Variants in EXPH5 observed in about 807,000 individuals in gnomAD.
EXPH5 encodes the protein exophilin 5, also known as exophilin-5.
Under a neutral mutation model 41.1 loss-of-function variants are expected in EXPH5, and 42 were observed. The observed-to-expected ratio is 1.02, with a 90% CI of 0.80 to 1.32. EXPH5 has a LOEUF of 1.32. Ranked by LOEUF, EXPH5 falls within the 40% of genes most tolerant of loss-of-function variation. EXPH5 has a pLI of 0.00. For synonymous variants in EXPH5, 798 were observed against 833.5 expected (o/e 0.96, Z 0.73); for missense variants, 2,298 against 2,314.5 (o/e 0.99, Z 0.15).
chr11:108,518,248 A>T lies in EXPH5; in HGVS notation c.618T>A (p.Asn206Lys). ...GCATGAACTTACCTTGGAAAAACTC[A>T]TTCTCCAGCAGTGAAGCATCCCACG... Reference protein sequence around the residue: ...PPPWDASLLENEFFQVLDDLD... With the variant: ...PPPWDASLLEKEFFQVLDDLD... The change falls in exon 5 of 6, where the codon AAT becomes AAA. Residue 206 changes from asparagine (N) to lysine (K), a missense_variant. Transcript: ENST00000265843. The T allele has an allele frequency of 6.2e-7, 1 of 1,612,012 alleles. No homozygotes were observed. The highest frequency in any genetic ancestry group is 1.1e-5 in the South Asian group (1 of 90,382).
intron 3 of EXPH5, among the ~76,000 whole-genome samples, chr11:108,535,902 T>C (rs1354651883): frequency 1.3e-5 from 2 of 152,208 alleles, no homozygotes; most frequent in Non-Finnish European, 2.9e-5. Flanking sequence ...GAAGACTGCA[T>C]GTATAAGCTG....
Position 108,510,665 on chromosome 11 carries a change from T to C in EXPH5, c.4842A>G (p.Arg1614=). 6.2e-7 allele frequency: 1 copy of C among 1,614,188 alleles called. No homozygotes were observed. The highest frequency in any genetic ancestry group is 8.5e-7 in the Non-Finnish European group (1 of 1,180,020). ...KFPAKDVSPR[R]HVATIFPQSG... is the part of the protein sequence containing the mutation. ...TTTGGGGGAAGATAGTAGCTACATG[T>C]CTTCTGGGGCTTACATCTTTAGCTG... Residue 1614 remains arginine, a synonymous_variant, in exon 6 of 6, where the codon AGA becomes AGG. Coordinates refer to ENST00000265843, the MANE Select transcript of EXPH5 (RefSeq NM_015065.3).
chr11:108,509,497 G>C lies in EXPH5; in HGVS notation c.*40C>G. 1 of 1,516,072 alleles carries C rather than the reference G, an allele frequency of 6.6e-7. No individual in the cohort carries two copies. The highest frequency in any genetic ancestry group is 8.8e-7 in the Non-Finnish European group (1 of 1,133,600). The allele number at this position is 1,516,072 out of a possible 1,614,324, so 93.9% of individuals were successfully genotyped here. ...CATGTACACCTTAGTTCCATTATAA[G>C]CTTTTGGTGAAAAAAGTAAAGCATT... is the stretch of plus-strand genomic sequence containing the variant. On this transcript the variant is annotated 3_prime_UTR_variant, in exon 6 of 6. Transcript: ENST00000265843.
intron 1 of EXPH5, among the ~76,000 whole-genome samples, chr11:108,568,967 C>T (rs531382886): frequency 6.6e-6 from 1 of 152,264 alleles, no homozygotes; most frequent in Non-Finnish European, 1.5e-5. Flanking sequence ...GGCTCCTCCT[C>T]CCCTCCAGTT....
In EXPH5 at chr11:108,511,492, G is replaced by C; in HGVS notation, c.4015C>G (p.Pro1339Ala). Reference sequence around the variant, plus strand: ...ATTTCCTGTAATGTAGGAGCTAGGGGCCCCCTATTTGATAATCGGAAGGCA... The same window carrying C: ...ATTTCCTGTAATGTAGGAGCTAGGGCCCCCCTATTTGATAATCGGAAGGCA... ...MTAFRLSNRG[P>A]LAPTLQEMAS... The change falls in exon 6 of 6, where the codon CCC (proline) becomes GCC (alanine). Residue 1339 changes from proline to alanine, a missense_variant. Physicochemically the swap from Pro to Ala is conservative, Grantham distance 27. Coordinates refer to ENST00000265843, the MANE Select transcript of EXPH5 (RefSeq NM_015065.3). 6.3e-7 allele frequency: 1 copy of C among 1,589,166 alleles called. No individual in the cohort carries two copies. Among genetic ancestry groups the C allele is most frequent in the Non-Finnish European group, 8.5e-7 (1 of 1,171,000 alleles).
rs1436582971 is a variant in EXPH5, at chr11:108,593,652, C to A, written c.-116G>T. 1 of 1,584,554 alleles carries A rather than the reference C, an allele frequency of 6.3e-7. No homozygotes were observed. Among genetic ancestry groups the A allele is most frequent in the Admixed American group, 1.8e-5 (1 of 57,004 alleles). ...CTTGATCCCACAGCCAATAATAAGT[C>A]CGCCCCTTTGAAAGTCTAAAACCAC... is the stretch of plus-strand genomic sequence containing the variant. On this transcript the variant is annotated 5_prime_UTR_variant, in exon 1 of 6. Transcript: ENST00000265843.
rs1332053327 is a variant in EXPH5, at chr11:108,507,255, T to C, written c.*2282A>G. 6.6e-6 allele frequency: 1 copy of C among 152,196 alleles called. No individual in the cohort carries two copies. The highest frequency in any genetic ancestry group is 1.9e-4 in the East Asian group (1 of 5,188). The allele number at this position is 152,196 out of a possible 1,614,324, so 9.4% of individuals were successfully genotyped here. ...TTAGCTTTGAGTTGCATGGGAACCA[T>C]GTAAAGTAACCCACGCATTTTGCGT... On this transcript the variant is annotated 3_prime_UTR_variant, in exon 6 of 6. Coordinates refer to ENST00000265843, the MANE Select transcript of EXPH5 (RefSeq NM_015065.3).
At chr11:108,593,141 G>T (rs1477152151) in intron 1 of EXPH5, among the ~76,000 whole-genome samples, 1 of 152,218 alleles carries the variant, frequency 6.6e-6, no homozygotes, top group Non-Finnish European at 1.5e-5. Context: ...GTCACTGCGC[G>T]GCCCCCGCAG....
chr11:108,598,547 G>A (rs1053419883), upstream of EXPH5, among the ~76,000 whole-genome samples: 20 of 152,050 alleles, frequency 1.3e-4, no homozygotes, highest in Non-Finnish European at 2.8e-4. Flanking sequence ...AGAGTGATAT[G>A]GTGGAGAGTA....
At chr11:108,539,213 G>T (rs1232889841) in intron 2 of EXPH5, 27 bp from the exon 3 acceptor site, 1 of 1,493,222 alleles carries the variant, frequency 6.7e-7, no homozygotes, top group South Asian at 1.2e-5. Context: ...TAAAAATTTT[G>T]CATCAATTAC....
intron 2 of EXPH5, 124 bp from the exon 3 acceptor site, chr11:108,539,310 C>A: frequency 1.5e-6 from 1 of 667,348 alleles, no homozygotes; most frequent in South Asian, 2.2e-5. Flanking sequence ...GGGCAGGCAA[C>A]CTCACATGAA....
intron 1 of EXPH5, among the ~76,000 whole-genome samples, chr11:108,581,661 C>A (rs995161942): frequency 6.6e-6 from 1 of 151,800 alleles, no homozygotes; most frequent in African/African-American, 2.4e-5. Flanking sequence ...GAGCAGAAAT[C>A]AATTAAATTG....
chr11:108,583,593 G>A (rs1031418746), intron 1 of EXPH5, among the ~76,000 whole-genome samples: 9 of 151,584 alleles, frequency 5.9e-5, no homozygotes, highest in Admixed American at 4.6e-4. Context: ...AGGCCGAGGC[G>A]GGTGGATCAC....
intron 1 of EXPH5, chr11:108,568,105 C>G (rs755288622): frequency 1.4e-5 from 2 of 140,030 alleles, no homozygotes; most frequent in African/African-American, 5.5e-5. Flanking sequence ...GGGAGGGTGC[C>G]GGTGAAAGCC....
chr11:108,520,758 G>T (rs936420301), intron 4 of EXPH5, among the ~76,000 whole-genome samples: 4 of 151,702 alleles, frequency 2.6e-5, no homozygotes, highest in Admixed American at 6.6e-5. Context: ...TAGTAGAGAT[G>T]GGGTTCCACC....
chr11:108,533,422 C>T (rs1005970580), intron 3 of EXPH5, among the ~76,000 whole-genome samples: 1 of 152,186 alleles, frequency 6.6e-6, no homozygotes, highest in African/African-American at 2.4e-5. Context: ...CCAGACTAGT[C>T]TCGAACTTCT....
chr11:108,525,114 A>G (rs1280342139), intron 4 of EXPH5, among the ~76,000 whole-genome samples: 1 of 152,156 alleles, frequency 6.6e-6, no homozygotes, highest in Non-Finnish European at 1.5e-5. Context: ...GCTTGCCACC[A>G]TGTAAGATGT....
chr11:108,534,383 G>T (rs2093864926), intron 3 of EXPH5, among the ~76,000 whole-genome samples: 1 of 152,242 alleles, frequency 6.6e-6, no homozygotes, highest in Non-Finnish European at 1.5e-5. Context: ...ATGAGTCCAA[G>T]CTCCTTAGTA....
chr11:108,535,276 T>C (rs2136011204), intron 3 of EXPH5, among the ~76,000 whole-genome samples: 1 of 152,322 alleles, frequency 6.6e-6, no homozygotes, highest in Non-Finnish European at 1.5e-5. Flanking sequence ...GTTGATGAGA[T>C]TCTAATAATG....
Sources: allele counts gnomAD v4.1 joint callset (sites outside exome capture counted in the v4.1 genomes callset), GRCh38; gene constraint gnomAD v4.1.1; transcripts MANE v1.5; gene names NCBI Gene and HGNC (gene_info 2026-07-23, HGNC 2026-07-21).